DNM1: variants seen among roughly 807,000 people sequenced by gnomAD.
The protein encoded by DNM1 is dynamin 1.
In DNM1, 29 loss-of-function variants were observed where a neutral mutation model predicts 104.6. That is an observed-to-expected ratio of 0.28 (90% CI 0.21 to 0.38). The LOEUF is 0.38. DNM1 is among the 10% of genes least tolerant of loss of function. DNM1 has a pLI of 1.00. For synonymous variants in DNM1, 445 were observed against 475.8 expected, an observed-to-expected ratio of 0.94 and a Z score of 0.84; for missense variants, 640 against 1,189.4, an observed-to-expected ratio of 0.54 and a Z score of 6.79.
At chr9:128,215,795 TC>T (rs946533130) in intron 1 of DNM1, among the ~76,000 whole-genome samples, 1 of 152,142 alleles carries the variant, frequency 6.6e-6, no homozygotes, top group Non-Finnish European at 1.5e-5. Context: ...GGGAGTCCCA[TC>T]CTTTCCAGCC....
At chr9:128,229,616 A>G (rs1024531543) in intron 10 of DNM1, among the ~76,000 whole-genome samples, 2 of 150,816 alleles carry the variant, frequency 1.3e-5, no homozygotes, top group African/African-American at 4.9e-5. Flanking sequence ...AAAAAAAAAA[A>G]AAAAAAAGCT....
intron 21 of DNM1, chr9:128,251,231 C>G (rs1209618850): frequency 4.9e-6 from 3 of 606,158 alleles, no homozygotes; most frequent in Non-Finnish European, 9.2e-6. Flanking sequence ...TCTATTTTCA[C>G]TCTTGGCGGC....
chr9:128,254,057 G>C lies in DNM1; in HGVS notation c.2535-597G>C. 8.1e-7 allele frequency: 1 copy of C among 1,236,564 alleles called. No individual in the cohort carries two copies. Among genetic ancestry groups the C allele is most frequent in the Non-Finnish European group, 1.0e-6 (1 of 991,396 alleles). The allele number at this position is 1,236,564 out of a possible 1,614,324, so 76.6% of individuals were successfully genotyped here. ...GACCTGCAGCCCCCCGACCAGCTGAGGCTCCCCTCTTAGACTTATAAGTCT... is the reference window on the plus strand; with the variant it reads ...GACCTGCAGCCCCCCGACCAGCTGACGCTCCCCTCTTAGACTTATAAGTCT... On this transcript the variant is annotated intron_variant, in intron 21 of 21. Transcript: ENST00000372923. The surrounding 1 kb of genome is among the most constrained non-coding windows in gnomAD (Gnocchi z 6.1).
chr9:128,244,718 G>C (rs759856282), intron 15 of DNM1: 6 of 530,640 alleles, frequency 1.1e-5, no homozygotes, highest in Non-Finnish European at 2.3e-5. Flanking sequence ...AGTGGCGGCG[G>C]TGCCGAGGGT....
Position 128,247,980 on chromosome 9 carries a change from G to C in DNM1, c.1905+45G>C. The C allele has an allele frequency of 6.2e-7, 1 of 1,613,720 alleles. No individual in the cohort carries two copies. The highest frequency in any genetic ancestry group is 8.5e-7 in the Non-Finnish European group (1 of 1,179,656). ...GCCTCCTGCCAGGCATCTGCAGCCT[G>C]GCACCAGCTCCAGCCAGGTTTTCAA... On this transcript the variant is annotated intron_variant, in intron 18 of 21. Transcript: ENST00000372923. This position sits in a 1 kb window ranked among gnomAD's most constrained non-coding sequence, Gnocchi z 5.1.
intron 14 of DNM1, among the ~76,000 whole-genome samples, chr9:128,241,931 C>T (rs957087382): frequency 6.6e-6 from 1 of 152,194 alleles, no homozygotes; most frequent in Admixed American, 6.5e-5. Flanking sequence ...GCCCCATAAA[C>T]TCTGCTTGCA....
At chr9:128,226,115 AG>A in intron 10 of DNM1, 1 of 1,612,860 alleles carries the variant, frequency 6.2e-7, no homozygotes, top group Non-Finnish European at 8.5e-7. Context: ...CCCAGTATCA[AG>A]TGTGTGGATA....
intron 10 of DNM1, among the ~76,000 whole-genome samples, chr9:128,231,194 C>CTTTTTTTTT (rs72047067): frequency 1.0e-4 from 7 of 68,508 alleles, no homozygotes; most frequent in Admixed American, 2.4e-4. Context: ...ATACTTTTGC[C>CTTTTTTTTT]TTTTTTTTTT....
At chr9:128,233,990 C>T (rs772661518) in intron 10 of DNM1, 31 bp from the exon 11 acceptor site, 18 of 1,548,180 alleles carry the variant, frequency 1.2e-5, no homozygotes, top group East Asian at 7.3e-5. Context: ...CCTCTGTGTA[C>T]GTGGCTTTCT....
intron 1 of DNM1, among the ~76,000 whole-genome samples, chr9:128,213,297 G>T (rs1024067834): frequency 6.6e-6 from 1 of 152,080 alleles, no homozygotes; most frequent in Non-Finnish European, 1.5e-5. Context: ...GGCCAGGCTG[G>T]TCTCAAACTC....
At chr9:128,211,994 C>A (rs763271811) in intron 1 of DNM1, among the ~76,000 whole-genome samples, 1 of 152,218 alleles carries the variant, frequency 6.6e-6, no homozygotes, top group South Asian at 2.1e-4. Flanking sequence ...GGAAAGGAGG[C>A]CACTAGCCAG....
Position 128,219,089 on chromosome 9 carries a change from G to A in DNM1, c.426G>A (p.Lys142=), listed in dbSNP as rs746030356. 1 of 1,614,122 alleles carries A rather than the reference G, an allele frequency of 6.2e-7. No homozygotes were observed. Among genetic ancestry groups the A allele is most frequent in the East Asian group, 2.2e-5 (1 of 44,874 alleles). The change falls in exon 4 of 22, where the codon AAG becomes AAA. Residue 142 remains lysine (K), a synonymous_variant. Transcript: ENST00000372923. ...TGGTGGACCTGCCCGGAATGACCAA[G>A]GTCCCGGTGGGGGACCAACCTCCCG... ...LTLVDLPGMT[K]VPVGDQPPDI...
In DNM1 at chr9:128,222,989, C is replaced by G. The variant is rs982836408; in HGVS notation, c.1196+129C>G. On this transcript the variant is annotated intron_variant, in intron 9 of 21. Coordinates refer to ENST00000372923, the MANE Select transcript of DNM1 (RefSeq NM_004408.4). This position sits in a 1 kb window ranked among gnomAD's most constrained non-coding sequence, Gnocchi z 7.8. ...GCTCTGTTCCCCAGTCCTCTCGACC[C>G]CAACTTTCTGGCTCCCTGCATGACA... is the stretch of plus-strand genomic sequence containing the variant. 2.2e-6 allele frequency: 2 copies of G among 922,794 alleles called. No homozygotes were observed. The highest frequency in any genetic ancestry group is 3.3e-6 in the Non-Finnish European group (2 of 604,204). The allele number at this position is 922,794 out of a possible 1,614,324, so 57.2% of individuals were successfully genotyped here. A position where few individuals can be genotyped will look rare whatever the true frequency, so the allele number is the denominator to read the frequency against.
chr9:128,222,106 C>T lies in DNM1; in HGVS notation c.850-91C>T. 6.7e-7 allele frequency: 1 copy of T among 1,489,780 alleles called. No homozygotes were observed. The highest frequency in any genetic ancestry group is 9.0e-7 in the Non-Finnish European group (1 of 1,105,762). 92.3% of individuals were successfully genotyped at this position (1,489,780 alleles called of 1,614,324 possible). A position where few individuals can be genotyped will look rare whatever the true frequency, so the allele number is the denominator to read the frequency against. On this transcript the variant is annotated intron_variant, in intron 6 of 21. Coordinates refer to ENST00000372923, the MANE Select transcript of DNM1 (RefSeq NM_004408.4). The surrounding 1 kb of genome is among the most constrained non-coding windows in gnomAD (Gnocchi z 7.8). ...AGGGCTGCCCTCCATAGCTCTCCAC[C>T]TCACCACGTTCACACAGTCCCCTGG...
intron 15 of DNM1, among the ~76,000 whole-genome samples, chr9:128,244,139 G>A (rs897459542): frequency 1.4e-5 from 2 of 142,010 alleles, no homozygotes; most frequent in Non-Finnish European, 3.0e-5. Context: ...GGTGTGTGTG[G>A]GGAGGGGGCT....
At chr9:128,251,099 G>A in intron 21 of DNM1, 159 bp downstream of exon 21, 4 of 657,708 alleles carry the variant, frequency 6.1e-6, no homozygotes, top group South Asian at 1.6e-5. Flanking sequence ...ACGTGTGGCC[G>A]AGGGCTGGCG....
Position 128,247,911 on chromosome 9 carries a change from G to T in DNM1, c.1894-13G>T. ...GTGGCGGCGGTGGCAATGTTGGTGT[G>T]TGGGCCTCCCAGGACAAAGAGAAAG... On this transcript the variant is annotated splice_polypyrimidine_tract_variant and intron_variant, in intron 17 of 21. Coordinates refer to ENST00000372923, the MANE Select transcript of DNM1 (RefSeq NM_004408.4). This position sits in a 1 kb window ranked among gnomAD's most constrained non-coding sequence, Gnocchi z 5.1. 6.2e-7 allele frequency: 1 copy of T among 1,613,664 alleles called. No individual in the cohort carries two copies. Among genetic ancestry groups the T allele is most frequent in the Non-Finnish European group, 8.5e-7 (1 of 1,179,712 alleles).
rs1478192438 is a variant in DNM1 at position 128,254,590 on chromosome 9, G to T, written c.2535-64G>T. 6.6e-7 allele frequency: 1 copy of T among 1,521,000 alleles called. No homozygotes were observed. Among genetic ancestry groups the T allele is most frequent in the Non-Finnish European group, 8.8e-7 (1 of 1,132,440 alleles). 94.2% of individuals were successfully genotyped at this position (1,521,000 alleles called of 1,614,324 possible). A position where few individuals can be genotyped will look rare whatever the true frequency, so the allele number is the denominator to read the frequency against. On this transcript the variant is annotated intron_variant, in intron 21 of 21. Coordinates refer to ENST00000372923, the MANE Select transcript of DNM1 (RefSeq NM_004408.4). The surrounding 1 kb of genome is among the most constrained non-coding windows in gnomAD (Gnocchi z 6.1). ...CCGGCCCCGGCCGTGTGCTGCGCTT[G>T]CCTTACCAGCTCTCTCCTCGCTTTT...
At chr9:128,250,675 G>T in intron 20 of DNM1, 50 bp from the exon 21 acceptor site, 1 of 1,386,404 alleles carries the variant, frequency 7.2e-7, no homozygotes, top group Non-Finnish European at 9.4e-7. Context: ...CTGGGTGGGC[G>T]GAGCTGCTCA....
Sources: allele counts gnomAD v4.1 joint callset (sites outside exome capture counted in the v4.1 genomes callset), GRCh38; gene constraint gnomAD v4.1.1; non-coding constraint Gnocchi (gnomAD v3.1); transcripts MANE v1.5; gene names NCBI Gene and HGNC (gene_info 2026-07-23, HGNC 2026-07-21).